The following UBP1 variants were observed in gnomAD, a reference collection of about 807,000 sequenced individuals.
UBP1 encodes the protein upstream binding protein 1, also known as upstream-binding protein 1.
In UBP1, 22 loss-of-function variants were observed where a neutral mutation model predicts 76.1. That is an observed-to-expected ratio of 0.29 (90% confidence interval 0.21 to 0.41). The LOEUF (loss-of-function observed/expected upper bound fraction) is 0.41. Ranked by LOEUF, UBP1 falls within the 10% of genes least tolerant of loss-of-function variation. UBP1 has a pLI of 1.00. For missense variants in UBP1, 436 were observed against 668.1 expected (o/e 0.65, Z 3.83); for synonymous variants, 224 against 237.1 (o/e 0.94, Z 0.51).
chr3:33,403,020 T>C (rs1315546429), intron 8 of UBP1, 116 bp from the exon 9 acceptor site: 14 of 919,402 alleles, frequency 1.5e-5, no homozygotes, highest in Non-Finnish European at 2.3e-5. Flanking sequence ...ACAGCTGACA[T>C]TTATCAAGCA....
At chr3:33,409,724 C>T in intron 5 of UBP1, 123 bp from the exon 6 acceptor site, 1 of 1,218,142 alleles carries the variant, frequency 8.2e-7, no homozygotes, top group South Asian at 1.4e-5. Context: ...AAACTCATCA[C>T]ACATATTAGC....
chr3:33,402,833 G>T lies in UBP1; in HGVS notation c.999C>A (p.Ser333=), dbSNP rs1169287764. The change falls in exon 9 of 16, where the codon TCC becomes TCA. Residue 333 remains serine (S), a synonymous_variant. Coordinates refer to ENST00000283629, the MANE Select transcript of UBP1 (RefSeq NM_014517.5). ...GGACACTGCAAGTGCTCTGCTGTGG[G>T]GAGGTGAAAGTGGGCGCTGGGGAAG... ...NSPSPAPTFT[S]PQQSTCSVPD... is the part of the protein sequence containing the mutation. 3 of 1,605,938 alleles carry T rather than the reference G, an allele frequency of 1.9e-6. No homozygotes were observed. Among genetic ancestry groups the T allele is most frequent in the Non-Finnish European group, 2.5e-6 (3 of 1,177,048 alleles).
chr3:33,422,028 G>A (rs931630011), intron 2 of UBP1, among the ~76,000 whole-genome samples: 1 of 152,056 alleles, frequency 6.6e-6, no homozygotes, highest in Non-Finnish European at 1.5e-5. Flanking sequence ...AAGAGACAGA[G>A]TGAGACCCTG....
At chr3:33,397,590 T>G (rs1167382255) in intron 11 of UBP1, 1 of 152,124 alleles carries the variant, frequency 6.6e-6, no homozygotes, top group East Asian at 1.9e-4. Flanking sequence ...TCTGTAAGAG[T>G]TGGTAGCCGA....
At chr3:33,432,495 A>T (rs945290106) in intron 1 of UBP1, among the ~76,000 whole-genome samples, 4 of 152,238 alleles carry the variant, frequency 2.6e-5, no homozygotes, top group African/African-American at 9.6e-5. Context: ...ATATTTAGAT[A>T]AATTGAGACA....
At chr3:33,395,762 A>AAAAG (rs2043960015) in intron 13 of UBP1, among the ~76,000 whole-genome samples, 1 of 151,060 alleles carries the variant, frequency 6.6e-6, no homozygotes, top group African/African-American at 2.4e-5. Context: ...AAAAAAAAAA[A>AAAAG]AAAAAAAAAA....
intron 9 of UBP1, among the ~76,000 whole-genome samples, chr3:33,401,894 T>C (rs1208916327): frequency 2.6e-5 from 4 of 152,170 alleles, no homozygotes; most frequent in Non-Finnish European, 4.4e-5. Flanking sequence ...CATGGTAACC[T>C]ACTGGTCCTC....
chr3:33,401,043 T>C (rs373936845), intron 9 of UBP1, 27 bp from the exon 10 acceptor site: 1 of 1,576,358 alleles, frequency 6.3e-7, no homozygotes, highest in South Asian at 1.2e-5. Flanking sequence ...AAGAAGGAAA[T>C]GATGATTTTT....
chr3:33,394,191 TTTATTA>T (rs148929407), intron 13 of UBP1, among the ~76,000 whole-genome samples: 12,350 of 143,346 alleles, frequency 0.086, 1,693 homozygotes, highest in African/African-American at 0.29. Flanking sequence ...CTGGCTAATT[TTTATTA>T]TTATTATTAT....
intron 4 of UBP1, 50 bp downstream of exon 4, chr3:33,412,672 A>C: frequency 8.5e-7 from 1 of 1,183,350 alleles, no homozygotes; most frequent in Non-Finnish European, 1.3e-6. Context: ...ATTACTGGCT[A>C]TAGCTAAACA....
At chr3:33,414,397 T>C (rs1364709014) in intron 3 of UBP1, among the ~76,000 whole-genome samples, 1 of 151,884 alleles carries the variant, frequency 6.6e-6, no homozygotes, top group Non-Finnish European at 1.5e-5. Flanking sequence ...ACTAGCAACA[T>C]GTGATGGGGC....
At chr3:33,441,040 C>G (rs749632348), upstream of UBP1, 2 of 152,258 alleles carry the variant, frequency 1.3e-5, no homozygotes, top group Admixed American at 6.5e-5. Context: ...TTGCCGAGAG[C>G]AGCTTGGCTA....
At chr3:33,414,421 C>G (rs953708) in intron 3 of UBP1, among the ~76,000 whole-genome samples, 1 of 151,858 alleles carries the variant, frequency 6.6e-6, no homozygotes, top group Non-Finnish European at 1.5e-5. Flanking sequence ...AACAATAAGA[C>G]TAAAAGAAAA....
At chr3:33,413,232 A>C (rs1442955475) in intron 3 of UBP1, among the ~76,000 whole-genome samples, 2 of 152,192 alleles carry the variant, frequency 1.3e-5, no homozygotes, top group Non-Finnish European at 2.9e-5. Flanking sequence ...AAACTTTGTT[A>C]ATTTAAAATA....
chr3:33,438,724 G>C (rs1159435645), intron 1 of UBP1, among the ~76,000 whole-genome samples: 1 of 152,074 alleles, frequency 6.6e-6, no homozygotes, highest in East Asian at 1.9e-4. Flanking sequence ...TTCTCCTTAA[G>C]ATTTAAAGAC....
intron 1 of UBP1, among the ~76,000 whole-genome samples, chr3:33,427,700 A>G (rs1221124820): frequency 2.0e-5 from 3 of 152,196 alleles, no homozygotes; most frequent in Non-Finnish European, 4.4e-5. Flanking sequence ...TGATTTTCAA[A>G]GATACTAACT....
chr3:33,412,480 G>A (rs796755169), intron 4 of UBP1, among the ~76,000 whole-genome samples: 1 of 151,822 alleles, frequency 6.6e-6, no homozygotes, highest in African/African-American at 2.4e-5. Flanking sequence ...CTACTTGGGA[G>A]GCTAAGGCAG....
At chr3:33,403,486 C>CTCTATCTATCTATCTATCTATCTA (rs149670278) in intron 8 of UBP1, 1 of 98,364 alleles carries the variant, frequency 1.0e-5, no homozygotes, top group African/African-American at 2.8e-5. Flanking sequence ...CTACATCTAT[C>CTCTATCTATCTATCTATCTATCTA]TCTATCTATC....
chr3:33,427,521 C>T (rs1553679455), intron 1 of UBP1, among the ~76,000 whole-genome samples: 1 of 152,168 alleles, frequency 6.6e-6, no homozygotes, highest in Non-Finnish European at 1.5e-5. Context: ...CTTATTTTCT[C>T]TTTTTTTCCT....
Sources: allele counts gnomAD v4.1 joint callset (sites outside exome capture counted in the v4.1 genomes callset), GRCh38; gene constraint gnomAD v4.1.1; transcripts MANE v1.5; gene names NCBI Gene and HGNC (gene_info 2026-07-23, HGNC 2026-07-21).